The following C2orf42 variants were observed in gnomAD, a reference collection of about 807,000 sequenced individuals.
The protein encoded by C2orf42 is uncharacterized protein C2orf42.
In C2orf42, 44 loss-of-function variants were observed where a neutral mutation model predicts 58.9. The observed-to-expected ratio is 0.75, with a 90% CI of 0.59 to 0.96. C2orf42 has a LOEUF of 0.96. Ranked by LOEUF, C2orf42 falls within the 40% of genes least tolerant of loss-of-function variation. C2orf42 has a pLI of 0.00. For synonymous variants in C2orf42, 239 were observed against 265.4 expected (o/e 0.90, Z 0.97); for missense variants, 630 against 699.2 (o/e 0.90, Z 1.12).
chr2:70,181,546 G>C lies in C2orf42; in HGVS notation c.440C>G (p.Thr147Ser). 6.2e-7 allele frequency: 1 copy of C among 1,613,756 alleles called. No individual in the cohort carries two copies. Among genetic ancestry groups the C allele is most frequent in the Non-Finnish European group, 8.5e-7 (1 of 1,179,970 alleles). ...GACCGAGCTCTTCAGGGTCAGAGGGGTGGCCTCTGCCTGGCAGTTCACCGC... is the reference window on the plus strand; with the variant it reads ...GACCGAGCTCTTCAGGGTCAGAGGGCTGGCCTCTGCCTGGCAGTTCACCGC... ...KLAVNCQAEA[T>S]PLTLKSSVLN... Residue 147 changes from threonine to serine, a missense_variant, in exon 3 of 10, where the codon ACC (threonine) becomes AGC (serine). Coordinates refer to ENST00000264434, the MANE Select transcript of C2orf42 (RefSeq NM_017880.3).
At chr2:70,172,710 A>C (rs1192358781) in intron 5 of C2orf42, among the ~76,000 whole-genome samples, 1 of 152,084 alleles carries the variant, frequency 6.6e-6, no homozygotes, top group Non-Finnish European at 1.5e-5. Context: ...CAACAACAAA[A>C]TATCTTCACG....
chr2:70,182,106 A>T, intron 2 of C2orf42, 109 bp from the exon 3 acceptor site: 3 of 509,734 alleles, frequency 5.9e-6, no homozygotes, highest in South Asian at 2.7e-5. Context: ...GCTATCTACT[A>T]TTTTTTTTTT....
intron 1 of C2orf42, among the ~76,000 whole-genome samples, chr2:70,185,548 T>C (rs1275791097): frequency 1.3e-5 from 2 of 151,220 alleles, no homozygotes; most frequent in South Asian, 2.1e-4. Context: ...CTGTGTCTAC[T>C]AAAAATACAA....
At chr2:70,175,027 T>C (rs1442465533) in intron 5 of C2orf42, among the ~76,000 whole-genome samples, 2 of 152,176 alleles carry the variant, frequency 1.3e-5, no homozygotes, top group African/African-American at 2.4e-5. Context: ...TTTATGGTTT[T>C]AGACATAATT....
intron 1 of C2orf42, among the ~76,000 whole-genome samples, chr2:70,189,006 T>C (rs959448311): frequency 1.3e-5 from 2 of 152,150 alleles, no homozygotes; most frequent in African/African-American, 4.8e-5. Flanking sequence ...CAGCAAAATA[T>C]AAGAAACAAC....
intron 5 of C2orf42, 120 bp from the exon 6 acceptor site, chr2:70,169,781 C>T (rs1472522185): frequency 3.4e-6 from 2 of 582,866 alleles, no homozygotes; most frequent in Non-Finnish European, 6.1e-6. Flanking sequence ...TTTTTTGAGA[C>T]AGAGGTTCGC....
chr2:70,184,654 A>G (rs987960904), intron 1 of C2orf42, among the ~76,000 whole-genome samples: 12 of 148,494 alleles, frequency 8.1e-5, no homozygotes, highest in Admixed American at 7.4e-4. Context: ...CTAATTATAA[A>G]TTTTTTATAG....
intron 5 of C2orf42, among the ~76,000 whole-genome samples, chr2:70,174,870 C>T (rs1674081865): frequency 6.6e-6 from 1 of 151,854 alleles, no homozygotes; most frequent in African/African-American, 2.4e-5. Flanking sequence ...CAGGGTTTCA[C>T]CATGTTGGCC....
At chr2:70,179,733 A>T (rs1035481652) in intron 3 of C2orf42, 91 bp from the exon 4 acceptor site, 2 of 495,666 alleles carry the variant, frequency 4.0e-6, no homozygotes, top group South Asian at 3.8e-5. Flanking sequence ...ATTTCTTTTT[A>T]AAAATCCCCC....
intron 3 of C2orf42, 42 bp downstream of exon 3, chr2:70,181,121 G>T: frequency 8.1e-7 from 1 of 1,231,526 alleles, no homozygotes; most frequent in Non-Finnish European, 1.1e-6. Context: ...TTTCATTGCA[G>T]TTTTAGAAAA....
chr2:70,174,106 GAGA>G (rs1674025639), intron 5 of C2orf42, among the ~76,000 whole-genome samples: 1 of 152,054 alleles, frequency 6.6e-6, no homozygotes, highest in Non-Finnish European at 1.5e-5. Context: ...TCAGGAGTTT[GAGA>G]CCAGCCTGGA....
intron 1 of C2orf42, among the ~76,000 whole-genome samples, chr2:70,183,682 C>T (rs1317971706): frequency 1.3e-5 from 2 of 149,852 alleles, no homozygotes; most frequent in Non-Finnish European, 3.0e-5. Context: ...TCCCAAAGTG[C>T]TGGGATTACA....
At position 70,169,628 on chromosome 2, in the gene C2orf42, G is replaced by C. The variant is rs558924822; in HGVS notation, c.1073C>G (p.Thr358Ser). 6.2e-7 allele frequency: 1 copy of C among 1,609,248 alleles called. No individual in the cohort carries two copies. Among genetic ancestry groups the C allele is most frequent in the Admixed American group, 1.7e-5 (1 of 59,964 alleles). ...GGCCAGCCAGTCTTGGAAGGATAAA[G>C]TCACTTGTGCCTCATCTAACAGCTG... ...CGQLLDEAQV[T>S]LSFQDWLASV... is the part of the protein sequence containing the mutation. Residue 358 changes from threonine to serine, a missense_variant, in exon 6 of 10, where the codon ACT (threonine) becomes AGT (serine). Physicochemically the swap from Thr to Ser is moderately conservative, Grantham distance 58. Coordinates refer to ENST00000264434, the MANE Select transcript of C2orf42 (RefSeq NM_017880.3).
intron 4 of C2orf42, among the ~76,000 whole-genome samples, chr2:70,178,759 A>G (rs1674356807): frequency 6.6e-6 from 1 of 152,000 alleles, no homozygotes; most frequent in African/African-American, 2.4e-5. Flanking sequence ...ATATGGTGAA[A>G]CCCCATCTCT....
At chr2:70,173,182 A>T (rs1013831473) in intron 5 of C2orf42, among the ~76,000 whole-genome samples, 1 of 151,974 alleles carries the variant, frequency 6.6e-6, no homozygotes, top group Non-Finnish European at 1.5e-5. Context: ...TATAAATAAT[A>T]AAAAAACCTA....
chr2:70,179,091 A>C (rs1674380677), intron 4 of C2orf42, among the ~76,000 whole-genome samples: 1 of 152,096 alleles, frequency 6.6e-6, no homozygotes, highest in Non-Finnish European at 1.5e-5. Flanking sequence ...TCATAATACT[A>C]TCCTAAGGCA....
intron 8 of C2orf42, 68 bp from the exon 9 acceptor site, chr2:70,160,855 G>T: frequency 1.0e-6 from 1 of 956,124 alleles, no homozygotes; most frequent in African/African-American, 1.7e-5. Context: ...ATACCTGGAT[G>T]ACGACAAATC....
chr2:70,166,647 G>A (rs563146752), intron 6 of C2orf42, among the ~76,000 whole-genome samples: 2 of 151,878 alleles, frequency 1.3e-5, no homozygotes, highest in Non-Finnish European at 2.9e-5. Flanking sequence ...CTGCACTCTA[G>A]CTTGGGCAAC....
intron 3 of C2orf42, among the ~76,000 whole-genome samples, chr2:70,179,929 A>G (rs927112341): frequency 6.6e-6 from 1 of 152,134 alleles, no homozygotes; most frequent in African/African-American, 2.4e-5. Context: ...ACAGAGGCAG[A>G]CGCTGTCTCA....
Sources: gnomAD v4.1 joint callset for allele counts (sites outside exome capture counted in the v4.1 genomes callset) on GRCh38, gnomAD v4.1.1 for gene constraint, MANE v1.5 for transcripts, NCBI Gene and HGNC (gene_info 2026-07-23, HGNC 2026-07-21) for gene names.